The following SPICE1 variants were observed in gnomAD, a reference collection of about 807,000 sequenced individuals.
SPICE1 encodes the protein spindle and centriole-associated protein 1.
Under a neutral mutation model 102.7 loss-of-function variants are expected in SPICE1, and 75 were observed. That is an observed-to-expected ratio of 0.73 (90% confidence interval 0.61 to 0.88). The LOEUF is 0.88. SPICE1 is among the 40% of genes least tolerant of loss of function. The pLI is 0.00. For missense variants in SPICE1, 979 were observed against 1,020.1 expected, an observed-to-expected ratio of 0.96 and a Z score of 0.55; for synonymous variants, 308 against 350.3, an observed-to-expected ratio of 0.88 and a Z score of 1.35.
chr3:113,512,405 CTTTTTTTTTTTTT>C (rs34015506), intron 1 of SPICE1, among the ~76,000 whole-genome samples: 3 of 104,410 alleles, frequency 2.9e-5, no homozygotes, highest in Non-Finnish European at 5.6e-5. Context: ...GAAAAGCTTT[CTTTTTTTTTTTTT>C]TTTTTTTTTG....
chr3:113,512,132 TCTAA>T (rs1382074954), intron 1 of SPICE1, among the ~76,000 whole-genome samples: 1 of 152,278 alleles, frequency 6.6e-6, no homozygotes, highest in South Asian at 2.1e-4. Flanking sequence ...AAGCAAAGAA[TCTAA>T]CTAAGCCATG....
intron 6 of SPICE1, 100 bp downstream of exon 6, chr3:113,493,106 C>T (rs3732804): frequency 0.22 from 181,460 of 824,272 alleles, 22,513 homozygotes; most frequent in East Asian, 0.46. Flanking sequence ...ACAACTAGCA[C>T]TTGTTGATAT....
In SPICE1 at chr3:113,453,479, C is replaced by T; in HGVS notation, c.2129G>A (p.Ser710Asn). The T allele has an allele frequency of 6.2e-7, 1 of 1,607,266 alleles. No homozygotes were observed. The highest frequency in any genetic ancestry group is 8.5e-7 in the Non-Finnish European group (1 of 1,175,464). Residue 710 changes from serine (S) to asparagine (N), a missense_variant, in exon 14 of 18, where the codon AGT (serine) becomes AAT (asparagine). Transcript: ENST00000295872. ...AATGGTACTCACAGAAGTCATGTCA[C>T]TTGCACTTTCTTGTTTGTTCAACTC... is the stretch of plus-strand genomic sequence containing the variant. ...LRELNKQESA[S>N]DMTSTFPVAQ...
chr3:113,463,987 G>C (rs1033825563), intron 11 of SPICE1, among the ~76,000 whole-genome samples: 2 of 151,932 alleles, frequency 1.3e-5, no homozygotes, highest in Admixed American at 6.5e-5. Flanking sequence ...AGAATGGCGT[G>C]AACACGAGAG....
At chr3:113,503,931 T>TTA (rs1553770629) in intron 2 of SPICE1, among the ~76,000 whole-genome samples, 1 of 95,500 alleles carries the variant, frequency 1.0e-5, no homozygotes, top group Non-Finnish European at 2.1e-5. Context: ...AGTTTCTATC[T>TTA]AAAAAAAAAA....
chr3:113,454,908 A>C (rs550958663), intron 13 of SPICE1, among the ~76,000 whole-genome samples: 6 of 152,298 alleles, frequency 3.9e-5, no homozygotes, highest in African/African-American at 4.8e-5. Context: ...AAAGGACACC[A>C]CAATCTTACA....
At chr3:113,474,188 G>A (rs1359530896) in intron 7 of SPICE1, among the ~76,000 whole-genome samples, 1 of 151,716 alleles carries the variant, frequency 6.6e-6, no homozygotes, top group Non-Finnish European at 1.5e-5. Context: ...AAGAGACAAA[G>A]AAGGCCATTA....
intron 15 of SPICE1, among the ~76,000 whole-genome samples, chr3:113,448,484 C>CA (rs112864219): frequency 0.022 from 3,198 of 147,006 alleles, 97 homozygotes; most frequent in African/African-American, 0.067. Flanking sequence ...AAAGTTTTCC[C>CA]AAAAAAAAAG....
At chr3:113,453,073 A>G (rs1935694676) in intron 14 of SPICE1, among the ~76,000 whole-genome samples, 1 of 152,118 alleles carries the variant, frequency 6.6e-6, no homozygotes, top group African/African-American at 2.4e-5. Context: ...AAAATTAACT[A>G]CTCATGAGTT....
rs1439355282 is a variant in SPICE1 at position 113,480,936 on chromosome 3, A to AAAGAAAGAAAGAAAGAAAGAAAGAAAGG, written c.611+8008_611+8009insCCTTTCTTTCTTTCTTTCTTTCTTTCTT. 8.6e-3 allele frequency among the ~76,000 whole-genome samples: 226 copies of AAAGAAAGAAAGAAAGAAAGAAAGAAAGG among 26,220 alleles called. 5 individuals carry two copies. The highest frequency in any genetic ancestry group is 0.021 in the African/African-American group (206 of 9,632). 17.2% of individuals were successfully genotyped at this position (26,220 alleles called of 152,430 possible). Reference sequence around the variant, plus strand: ...TTAAAGAAAGAAAGAAAGAAAAAAGACCTCAGTACTAAAGCCAATACCTTA... The same window carrying AAAGAAAGAAAGAAAGAAAGAAAGAAAGG: ...TTAAAGAAAGAAAGAAAGAAAAAAGAAAGAAAGAAAGAAAGAAAGAAAGAAAGGCCTCAGTACTAAAGCCAATACCTTA... On this transcript the variant is annotated intron_variant, in intron 7 of 17. Transcript: ENST00000295872.
rs1935457365 is a variant in SPICE1 at position 113,444,122 on chromosome 3, A to G, written c.*1185T>C. 2 of 152,102 alleles carry G rather than the reference A, an allele frequency of 1.3e-5. No homozygotes were observed. Among genetic ancestry groups the G allele is most frequent in the African/African-American group, 2.4e-5 (1 of 41,416 alleles). 9.4% of individuals were successfully genotyped at this position (152,102 alleles called of 1,614,324 possible). A position where few individuals can be genotyped will look rare whatever the true frequency, so the allele number is the denominator to read the frequency against. ...TTGTTCACTCAGGTTGAGAATTCCT[A>G]TCATAGAGCCAGGGAGCAGAGATCA... On this transcript the variant is annotated 3_prime_UTR_variant, in exon 18 of 18. Transcript: ENST00000295872.
intron 13 of SPICE1, among the ~76,000 whole-genome samples, chr3:113,456,686 C>T (rs1302897282): frequency 6.6e-6 from 1 of 152,162 alleles, no homozygotes; most frequent in Non-Finnish European, 1.5e-5. Context: ...ACTAACTGAG[C>T]TGAAAACTTT....
chr3:113,480,179 T>A (rs1438437597), intron 7 of SPICE1, among the ~76,000 whole-genome samples: 4 of 149,780 alleles, frequency 2.7e-5, no homozygotes, highest in Non-Finnish European at 5.9e-5. Context: ...TGAGAAGAAA[T>A]AGAAGCTTAA....
chr3:113,457,418 A>G, intron 12 of SPICE1, 61 bp from the exon 13 acceptor site: 1 of 1,541,898 alleles, frequency 6.5e-7, no homozygotes. Flanking sequence ...AGCACATTTC[A>G]GGTATTTATT....
At chr3:113,492,009 T>C (rs1936778993) in intron 6 of SPICE1, among the ~76,000 whole-genome samples, 1 of 152,182 alleles carries the variant, frequency 6.6e-6, no homozygotes, top group Non-Finnish European at 1.5e-5. Flanking sequence ...GTACTTAAAG[T>C]ATGACTGAAA....
intron 10 of SPICE1, among the ~76,000 whole-genome samples, chr3:113,467,368 T>C (rs1369782543): frequency 6.6e-6 from 1 of 152,194 alleles, no homozygotes; most frequent in Non-Finnish European, 1.5e-5. Context: ...CTCGGCTCAC[T>C]GCAACCTCCA....
chr3:113,510,836 C>T (rs897749993), intron 1 of SPICE1, among the ~76,000 whole-genome samples: 2 of 152,102 alleles, frequency 1.3e-5, no homozygotes, highest in Admixed American at 6.5e-5. Context: ...AGACAACCTA[C>T]AAAATGAGAG....
chr3:113,481,889 G>A (rs1936516252), intron 7 of SPICE1, among the ~76,000 whole-genome samples: 2 of 152,068 alleles, frequency 1.3e-5, no homozygotes, highest in Non-Finnish European at 2.9e-5. Context: ...GTGTCCATGT[G>A]TCTGTATAGA....
intron 1 of SPICE1, among the ~76,000 whole-genome samples, chr3:113,510,118 G>A (rs973060277): frequency 1.3e-5 from 2 of 152,152 alleles, no homozygotes; most frequent in South Asian, 4.1e-4. Context: ...TGATGTCAGT[G>A]ACAACAATTA....
Sources: allele counts gnomAD v4.1 joint callset (sites outside exome capture counted in the v4.1 genomes callset), GRCh38; gene constraint gnomAD v4.1.1; transcripts MANE v1.5; gene names NCBI Gene and HGNC (gene_info 2026-07-23, HGNC 2026-07-21).